DPYD: variants seen among roughly 807,000 people sequenced by gnomAD.
DPYD encodes dihydropyrimidine dehydrogenase.
A neutral mutation model predicts 116.2 loss-of-function variants in DPYD; 109 were observed. The observed-to-expected ratio is 0.94, with a 90% CI of 0.80 to 1.10. DPYD has a LOEUF of 1.10. Ranked by LOEUF, DPYD falls within the 50% of genes least tolerant of loss-of-function variation. The pLI, the probability that DPYD is intolerant of heterozygous loss-of-function variation, is 0.00. For synonymous variants in DPYD, 440 were observed against 432.0 expected, an observed-to-expected ratio of 1.02 and a Z score of -0.23; for missense variants, 1,302 against 1,254.5, an observed-to-expected ratio of 1.04 and a Z score of -0.57.
chr1:97,616,546 T>C (rs1656279508), intron 8 of DPYD, among the ~76,000 whole-genome samples: 1 of 152,170 alleles, frequency 6.6e-6, no homozygotes, highest in African/African-American at 2.4e-5. Context: ...TGCAAACTAC[T>C]TGGATGTTTT....
chr1:97,262,615 C>A (rs555717235), intron 18 of DPYD, among the ~76,000 whole-genome samples: 1 of 152,136 alleles, frequency 6.6e-6, no homozygotes, highest in East Asian at 1.9e-4. Flanking sequence ...TTTGTCTTAA[C>A]TTCTGAACGA....
intron 18 of DPYD, chr1:97,295,729 C>T (rs1190245805): frequency 2.0e-6 from 2 of 981,682 alleles, no homozygotes; most frequent in African/African-American, 3.5e-5. Context: ...TCGCTCTCAG[C>T]CTGATAATTT....
At chr1:97,384,362 A>G (rs942847714) in intron 14 of DPYD, among the ~76,000 whole-genome samples, 3 of 151,962 alleles carry the variant, frequency 2.0e-5, no homozygotes, top group African/African-American at 7.2e-5. Flanking sequence ...GCATGTCTTT[A>G]AAGTTTTTTT....
chr1:97,723,949 C>T (rs1337160416), intron 4 of DPYD, among the ~76,000 whole-genome samples: 3 of 151,538 alleles, frequency 2.0e-5, no homozygotes, highest in Non-Finnish European at 4.4e-5. Context: ...CTGACAAATA[C>T]TTCTAGAACA....
In DPYD at chr1:97,087,661, T is replaced by C. The variant is rs116778066; in HGVS notation, c.2767-5191A>G. 8.2e-3 allele frequency among the ~76,000 whole-genome samples: 1,249 copies of C among 152,316 alleles called. 20 individuals are homozygous for C. Among genetic ancestry groups the C allele is most frequent in the African/African-American group, 0.029 (1,198 of 41,564 alleles). On this transcript the variant is annotated intron_variant, in intron 21 of 22. Transcript: ENST00000370192. ...CCCTGATCACTGTATTTTTTCTATC[T>C]GGGATGAGCTCAGGCTTTAAAGTGG...
At chr1:97,550,358 A>G (rs1214580785) in intron 11 of DPYD, among the ~76,000 whole-genome samples, 1 of 152,146 alleles carries the variant, frequency 6.6e-6, no homozygotes, top group Non-Finnish European at 1.5e-5. Flanking sequence ...AAACATTACC[A>G]TTAATTCCTT....
At position 97,775,744 on chromosome 1, in the gene DPYD, C is replaced by T. The variant is rs943197256; in HGVS notation, c.234-35265G>A. ...TTTGTGAGAGCAGGTGCAATGTTTGCTTTGTTTATTGCTGTATTTCCAGAA... is the reference window on the plus strand; with the variant it reads ...TTTGTGAGAGCAGGTGCAATGTTTGTTTTGTTTATTGCTGTATTTCCAGAA... On this transcript the variant is annotated intron_variant, in intron 3 of 22. Coordinates refer to ENST00000370192, the MANE Select transcript of DPYD (RefSeq NM_000110.4). 2.2e-4 allele frequency among the ~76,000 whole-genome samples: 34 copies of T among 152,028 alleles called. 1 individual carries two copies. Among genetic ancestry groups the T allele is most frequent in the Non-Finnish European group, 1.5e-5 (1 of 67,998 alleles).
intron 14 of DPYD, among the ~76,000 whole-genome samples, chr1:97,406,514 T>C (rs1209168322): frequency 1.3e-5 from 2 of 151,870 alleles, no homozygotes; most frequent in African/African-American, 2.4e-5. Context: ...CAATCCTTCA[T>C]CTACATTAGG....
intron 20 of DPYD, among the ~76,000 whole-genome samples, chr1:97,107,398 T>C (rs1228920387): frequency 6.6e-6 from 1 of 152,110 alleles, no homozygotes; most frequent in Admixed American, 6.6e-5. Flanking sequence ...TTACTTTCCT[T>C]GCATTCTAAA....
chr1:97,504,209 C>A (rs1019272982), intron 13 of DPYD, among the ~76,000 whole-genome samples: 1 of 151,924 alleles, frequency 6.6e-6, no homozygotes, highest in Admixed American at 6.6e-5. Flanking sequence ...ATGTGTTCCC[C>A]GCAGTTTTAT....
chr1:97,696,638 C>T (rs1425519248), intron 6 of DPYD, among the ~76,000 whole-genome samples: 1 of 151,936 alleles, frequency 6.6e-6, no homozygotes, highest in Non-Finnish European at 1.5e-5. Flanking sequence ...AATCGTAAGT[C>T]CTTTAGTATA....
At chr1:97,821,338 A>AC (rs990264173) in intron 3 of DPYD, among the ~76,000 whole-genome samples, 99 of 151,422 alleles carry the variant, frequency 6.5e-4, no homozygotes, top group Non-Finnish European at 2.8e-4. Flanking sequence ...CCTCAAAAAA[A>AC]AAAAAAAAAA....
intron 4 of DPYD, among the ~76,000 whole-genome samples, chr1:97,737,309 T>C (rs1036213131): frequency 2.0e-5 from 3 of 152,164 alleles, no homozygotes. Context: ...TGACCTCCTG[T>C]ACCAAGGGAA....
At chr1:97,345,541 C>T (rs1438728871) in intron 16 of DPYD, among the ~76,000 whole-genome samples, 1 of 151,896 alleles carries the variant, frequency 6.6e-6, no homozygotes, top group African/African-American at 2.4e-5. Context: ...AATCACCTTT[C>T]CCTCATAACT....
At chr1:97,251,061 A>C (rs11165815) in intron 18 of DPYD, among the ~76,000 whole-genome samples, 60,252 of 151,978 alleles carry the variant, frequency 0.4, 12,123 homozygotes, top group Middle Eastern at 0.46. Flanking sequence ...TCAAATACTT[A>C]ATTTTATGAA....
chr1:97,093,778 T>C (rs897973987), intron 21 of DPYD, among the ~76,000 whole-genome samples: 10 of 152,154 alleles, frequency 6.6e-5, no homozygotes, highest in Non-Finnish European at 1.2e-4. Flanking sequence ...GAAGACATTT[T>C]TATGGTCACT....
At chr1:97,395,814 A>G (rs1200244293) in intron 14 of DPYD, among the ~76,000 whole-genome samples, 1 of 151,972 alleles carries the variant, frequency 6.6e-6, no homozygotes, top group African/African-American at 2.4e-5. Flanking sequence ...TACTCTCTTG[A>G]AATCCTACCA....
chr1:97,112,333 G>A (rs897391528), intron 20 of DPYD, among the ~76,000 whole-genome samples: 3 of 152,078 alleles, frequency 2.0e-5, no homozygotes, highest in Non-Finnish European at 2.9e-5. Context: ...TGCATACACT[G>A]TATAAAGTCA....
intron 20 of DPYD, among the ~76,000 whole-genome samples, chr1:97,110,766 TAAC>T (rs1341431087): frequency 2.0e-5 from 3 of 152,134 alleles, no homozygotes; most frequent in Non-Finnish European, 4.4e-5. Flanking sequence ...ATAATGAAGC[TAAC>T]AACAATCTTT....
Sources: allele counts gnomAD v4.1 joint callset (sites outside exome capture counted in the v4.1 genomes callset), GRCh38; gene constraint gnomAD v4.1.1; transcripts MANE v1.5; gene names NCBI Gene and HGNC (gene_info 2026-07-23, HGNC 2026-07-21).